The following CLCN5 variants were observed in gnomAD, a reference collection of about 807,000 sequenced individuals.
CLCN5 encodes Cl-/H+ antiporter 5.
A neutral mutation model predicts 54.0 loss-of-function variants in CLCN5; 17 were observed. That is an observed-to-expected ratio of 0.31 (90% confidence interval 0.22 to 0.47). The LOEUF (loss-of-function observed/expected upper bound fraction) is 0.47, where lower values mean the gene tolerates loss of function less well. Among genes scored for constraint, CLCN5 ranks in the 20% least tolerant of loss-of-function variants. CLCN5 has a pLI of 1.00. For missense variants in CLCN5, 448 were observed against 646.7 expected (o/e 0.69, Z 3.33); for synonymous variants, 222 against 233.0 (o/e 0.95, Z 0.43).
At chrX:49,983,718 T>C (rs180723067) in intron 3 of CLCN5, among the ~76,000 whole-genome samples, 3 of 108,500 alleles carry the variant, frequency 2.8e-5, no homozygotes, top group Admixed American at 1.0e-4. Flanking sequence ...ATTAAAAATA[T>C]AAAACTTTGG....
chrX:49,955,020 A>G (rs929126753), intron 3 of CLCN5, among the ~76,000 whole-genome samples: 1 of 110,304 alleles, frequency 9.1e-6, no homozygotes, highest in Admixed American at 9.7e-5. Flanking sequence ...TTTTTTTTAG[A>G]CAGATAGACC....
chrX:49,960,258 C>T (rs1304709589), intron 3 of CLCN5, among the ~76,000 whole-genome samples: 2 of 110,724 alleles, frequency 1.8e-5, no homozygotes, highest in African/African-American at 6.6e-5. Flanking sequence ...TGGACTTCAG[C>T]ATCTGTTTTT....
intron 3 of CLCN5, among the ~76,000 whole-genome samples, chrX:49,980,421 A>G (rs183839564): frequency 4.4e-4 from 49 of 112,295 alleles, no homozygotes; most frequent in African/African-American, 1.5e-3. Flanking sequence ...TTCCAAAAGC[A>G]GTTTCACTTA....
chrX:50,088,560 A>T (rs1933974257), intron 11 of CLCN5, 138 bp from the exon 12 acceptor site: 1 of 584,834 alleles, frequency 1.7e-6, no homozygotes, highest in African/African-American at 2.2e-5. Flanking sequence ...ACACACCTTT[A>T]CAGCCACTTG....
chrX:49,928,323 C>T (rs1925459453), intron 3 of CLCN5, among the ~76,000 whole-genome samples: 1 of 111,696 alleles, frequency 9.0e-6, no homozygotes, highest in South Asian at 3.7e-4. Context: ...AAGTAGAACA[C>T]CTGATAGGCT....
chrX:50,035,356 T>C (rs1931942708), intron 3 of CLCN5, among the ~76,000 whole-genome samples: 1 of 111,540 alleles, frequency 9.0e-6, no homozygotes, highest in Non-Finnish European at 1.9e-5. Flanking sequence ...TATAAATATG[T>C]TGATTACCTC....
At chrX:49,949,999 C>T (rs782409338) in intron 3 of CLCN5, among the ~76,000 whole-genome samples, 2 of 112,087 alleles carry the variant, frequency 1.8e-5, no homozygotes, top group South Asian at 7.4e-4. Context: ...AACAAAATAA[C>T]CCAAAATAAT....
Position 50,002,679 on chromosome X carries a change from CTCTGTGTG to C in CLCN5, c.17-39635_17-39628del, listed in dbSNP as rs1180895961. Among the ~76,000 whole-genome samples the C allele has an allele frequency of 1.2e-3, 121 of 100,510 alleles. 1 individual carries two copies. Among genetic ancestry groups the C allele is most frequent in the African/African-American group, 4.0e-3 (106 of 26,267 alleles). 87.3% of individuals were successfully genotyped at this position (100,510 alleles called of 115,157 possible). ...TCTGTCTCTGTCTCTCTCTCTCTCT[CTCTGTGTG>C]TGTGTGTGTGTGTGTGTGTGTGTGT... On this transcript the variant is annotated intron_variant, in intron 3 of 14. Coordinates refer to ENST00000376091, the MANE Select transcript of CLCN5 (RefSeq NM_001127898.4).
chrX:50,019,468 CTTTTTTTTTTTTT>C lies in CLCN5; in HGVS notation c.17-22839_17-22827del, dbSNP rs1175073117. On this transcript the variant is annotated intron_variant, in intron 3 of 14. Coordinates refer to ENST00000376091, the MANE Select transcript of CLCN5 (RefSeq NM_001127898.4). ...TCTTTCATGCTTACTTTTTTTTTTT[CTTTTTTTTTTTTT>C]TTTTTTTTATTATACTCTAAGTTTT... 3.1e-3 allele frequency among the ~76,000 whole-genome samples: 146 copies of C among 47,681 alleles called. 3 individuals carry two copies. The highest frequency in any genetic ancestry group is 2.9e-3 in the Admixed American group (11 of 3,752). 41.4% of individuals were successfully genotyped at this position (47,681 alleles called of 115,157 possible).
intron 3 of CLCN5, among the ~76,000 whole-genome samples, chrX:49,954,537 T>C (rs782391166): frequency 9.0e-6 from 1 of 111,083 alleles, no homozygotes; most frequent in South Asian, 3.8e-4. Context: ...GCCTCTGCCC[T>C]GGATCTGTCC....
Position 50,092,706 on chromosome X carries a change from A to C in CLCN5, c.*487A>C, listed in dbSNP as rs1557194992. Reference sequence around the variant, plus strand: ...AAGGAAAGCCAGAAGGAAAAGAGTAATGGTATTTTCTAGACTGTGAAGATT... The same window carrying C: ...AAGGAAAGCCAGAAGGAAAAGAGTACTGGTATTTTCTAGACTGTGAAGATT... On this transcript the variant is annotated 3_prime_UTR_variant, in exon 15 of 15. Coordinates refer to ENST00000376091, the MANE Select transcript of CLCN5 (RefSeq NM_001127898.4). 7.9e-6 allele frequency: 1 copy of C among 126,254 alleles called. No individual in the cohort carries two copies. The highest frequency in any genetic ancestry group is 3.2e-5 in the African/African-American group (1 of 31,218). 10.4% of individuals were successfully genotyped at this position (126,254 alleles called of 1,213,427 possible).
At chrX:50,065,416 C>T (rs2147529355) in intron 4 of CLCN5, among the ~76,000 whole-genome samples, 1 of 78,901 alleles carries the variant, frequency 1.3e-5, no homozygotes, top group South Asian at 7.4e-4. Context: ...AAGAAATGCT[C>T]ATCATCACTG....
At chrX:49,943,450 T>C (rs1247459697) in intron 3 of CLCN5, among the ~76,000 whole-genome samples, 2 of 97,792 alleles carry the variant, frequency 2.0e-5, no homozygotes, top group Non-Finnish European at 4.1e-5. Context: ...CCATTGCTTT[T>C]GGTGTTTTAG....
chrX:50,051,266 G>A (rs1884923119), intron 4 of CLCN5, among the ~76,000 whole-genome samples: 1 of 112,309 alleles, frequency 8.9e-6, no homozygotes, highest in African/African-American at 3.2e-5. Context: ...AGCACTGGTT[G>A]TTAAAAACAC....
At chrX:50,040,714 A>G (rs1932184328) in intron 3 of CLCN5, among the ~76,000 whole-genome samples, 1 of 111,398 alleles carries the variant, frequency 9.0e-6, no homozygotes, top group Admixed American at 9.5e-5. Flanking sequence ...TTCAATCATC[A>G]CCTTGATGTT....
intron 3 of CLCN5, among the ~76,000 whole-genome samples, chrX:49,928,782 G>A (rs1266663857): frequency 4.5e-5 from 5 of 111,369 alleles, no homozygotes; most frequent in Admixed American, 2.9e-4. Flanking sequence ...AAAGTTAGTC[G>A]GGCATGGTGG....
intron 14 of CLCN5, among the ~76,000 whole-genome samples, chrX:50,091,875 G>A (rs1007594926): frequency 8.9e-6 from 1 of 111,985 alleles, no homozygotes; most frequent in Non-Finnish European, 1.9e-5. Flanking sequence ...CAGATATGTA[G>A]CGAAGAGTAT....
intron 3 of CLCN5, among the ~76,000 whole-genome samples, chrX:49,966,891 T>A (rs1557175590): frequency 1.7e-4 from 1 of 5,763 alleles, no homozygotes; most frequent in Non-Finnish European, 2.5e-4. Context: ...CTTGCGATAG[T>A]TTACTGAGAA....
At chrX:50,063,495 G>T (rs12013446) in intron 4 of CLCN5, among the ~76,000 whole-genome samples, 5,859 of 102,644 alleles carry the variant, frequency 0.057, 866 homozygotes, top group African/African-American at 0.25. Context: ...AATAACAGGA[G>T]CTGAAATTGT....
Sources: allele counts gnomAD v4.1 joint callset (sites outside exome capture counted in the v4.1 genomes callset), GRCh38; gene constraint gnomAD v4.1.1; transcripts MANE v1.5; gene names NCBI Gene and HGNC (gene_info 2026-07-23, HGNC 2026-07-21).